Variants in NCK2 observed in about 807,000 individuals in gnomAD.
The protein encoded by NCK2 is NCK adaptor protein 2.
Under a neutral mutation model 33.9 loss-of-function variants are expected in NCK2, and 16 were observed. That is an observed-to-expected ratio of 0.47 (90% CI 0.32 to 0.72). NCK2 has a LOEUF of 0.72. NCK2 is among the 30% of genes least tolerant of loss of function. The pLI is 0.03. For missense variants in NCK2, 418 were observed against 537.3 expected (o/e 0.78, Z 2.19); for synonymous variants, 273 against 239.9 (o/e 1.14, Z -1.27).
intron 2 of NCK2, among the ~76,000 whole-genome samples, chr2:105,852,522 G>A (rs1677107939): frequency 6.6e-6 from 1 of 152,158 alleles, no homozygotes; most frequent in Admixed American, 6.5e-5. Context: ...CGGTGTGCGT[G>A]AAAATAGATC....
At chr2:105,881,267 G>T in intron 3 of NCK2, 61 bp from the exon 4 acceptor site, 1 of 1,526,590 alleles carries the variant, frequency 6.6e-7, no homozygotes, top group Admixed American at 1.9e-5. Flanking sequence ...ATCCCGGTAG[G>T]CTAGGGAGTG....
intron 3 of NCK2, among the ~76,000 whole-genome samples, chr2:105,861,903 TCCTC>T (rs148839655): frequency 0.43 from 46,786 of 109,558 alleles, 10,110 homozygotes; most frequent in African/African-American, 0.58. Context: ...TGGAATTCTT[TCCTC>T]CCTCCCTCCC....
chr2:105,871,197 CTT>C (rs1210744899), intron 3 of NCK2, among the ~76,000 whole-genome samples: 1 of 151,900 alleles, frequency 6.6e-6, no homozygotes, highest in Non-Finnish European at 1.5e-5. Flanking sequence ...ACGATGGTGA[CTT>C]TGTTTGTCCT....
At chr2:105,756,834 C>G (rs1433352122) in intron 1 of NCK2, among the ~76,000 whole-genome samples, 1 of 152,126 alleles carries the variant, frequency 6.6e-6, no homozygotes, top group South Asian at 2.1e-4. Context: ...GACGGAGTTT[C>G]GCTCTTGTCA....
intron 1 of NCK2, among the ~76,000 whole-genome samples, chr2:105,761,394 C>A (rs1177318553): frequency 6.6e-6 from 1 of 152,126 alleles, no homozygotes. Context: ...TAGCCTGTTT[C>A]TCTTTCTGGT....
intron 1 of NCK2, among the ~76,000 whole-genome samples, chr2:105,747,047 C>G (rs947131263): frequency 6.6e-6 from 1 of 152,152 alleles, no homozygotes; most frequent in Admixed American, 6.5e-5. Flanking sequence ...CCCCTCTGTC[C>G]ACTTGTGGAG....
chr2:105,805,613 C>G (rs1356437432), intron 1 of NCK2, among the ~76,000 whole-genome samples: 4 of 152,102 alleles, frequency 2.6e-5, no homozygotes, highest in Non-Finnish European at 5.9e-5. Flanking sequence ...CCCTACCTTC[C>G]AGCCCCTGTT....
At chr2:105,779,262 G>A (rs1690408640) in intron 1 of NCK2, among the ~76,000 whole-genome samples, 1 of 144,876 alleles carries the variant, frequency 6.9e-6, no homozygotes, top group Non-Finnish European at 1.5e-5. Context: ...AGCCGAGATT[G>A]TGCCACTGCA....
intron 2 of NCK2, among the ~76,000 whole-genome samples, chr2:105,841,679 G>A (rs531192943): frequency 2.6e-5 from 4 of 151,730 alleles, no homozygotes; most frequent in Non-Finnish European, 4.4e-5. Context: ...TGGTCTTTCT[G>A]GTGACCAACC....
chr2:105,775,976 G>A (rs1364476434), intron 1 of NCK2, among the ~76,000 whole-genome samples: 3 of 152,236 alleles, frequency 2.0e-5, no homozygotes, highest in Non-Finnish European at 2.9e-5. Flanking sequence ...ATTGTTGACC[G>A]TCAGTTGCTT....
Position 105,881,611 on chromosome 2 carries a change from C to T in NCK2, c.510C>T (p.Asp170=), listed in dbSNP as rs377155191. The T allele has an allele frequency of 1.2e-6, 2 of 1,613,542 alleles. No homozygotes were observed. Among genetic ancestry groups the T allele is most frequent in the Non-Finnish European group, 8.5e-7 (1 of 1,179,940 alleles). The change falls in exon 4 of 5, where the codon GAC becomes GAT. Residue 170 remains aspartate, a synonymous_variant. Transcript: ENST00000233154. ...CCAACTACGTCTTGGAGGAGGTGGACGAGGCGGCTGCGGAGTCCCCAAGCT... is the reference window on the plus strand; with the variant it reads ...CCAACTACGTCTTGGAGGAGGTGGATGAGGCGGCTGCGGAGTCCCCAAGCT... ...FPSNYVLEEV[D]EAAAESPSFL...
intron 4 of NCK2, 52 bp downstream of exon 4, chr2:105,882,101 G>T (rs1009083313): frequency 1.4e-6 from 2 of 1,459,624 alleles, no homozygotes; most frequent in Non-Finnish European, 1.8e-6. Context: ...TGCGCCTTGC[G>T]CGGTGGGTCT....
intron 2 of NCK2, among the ~76,000 whole-genome samples, chr2:105,850,267 C>G (rs1201983331): frequency 6.6e-6 from 1 of 152,162 alleles, no homozygotes; most frequent in Admixed American, 6.5e-5. Context: ...TGGCTACTAT[C>G]AGGAGTGTGT....
intron 1 of NCK2, among the ~76,000 whole-genome samples, chr2:105,785,176 C>G (rs1690633688): frequency 6.6e-6 from 1 of 152,152 alleles, no homozygotes; most frequent in African/African-American, 2.4e-5. Flanking sequence ...GACAGGATTT[C>G]ACTGTGTTAG....
chr2:105,771,053 G>T (rs1690120676), intron 1 of NCK2, among the ~76,000 whole-genome samples: 1 of 151,988 alleles, frequency 6.6e-6, no homozygotes, highest in Non-Finnish European at 1.5e-5. Flanking sequence ...CTCCCGAGTA[G>T]CTGGGACTAC....
At chr2:105,812,155 T>C (rs1331440494) in intron 1 of NCK2, among the ~76,000 whole-genome samples, 1 of 152,184 alleles carries the variant, frequency 6.6e-6, no homozygotes, top group African/African-American at 2.4e-5. Context: ...TCAGGACAGC[T>C]TTATCTTGAG....
chr2:105,870,004 G>A (rs1677933196), intron 3 of NCK2, among the ~76,000 whole-genome samples: 1 of 152,126 alleles, frequency 6.6e-6, no homozygotes, highest in South Asian at 2.1e-4. Context: ...GGAAAGTCAG[G>A]TTCAGAGCCC....
intron 1 of NCK2, among the ~76,000 whole-genome samples, chr2:105,807,807 T>TCCCTCTATCCCTCCCTCCCTCCCTC (rs1675129784): frequency 1.0e-4 from 1 of 9,704 alleles, no homozygotes; most frequent in Admixed American, 9.8e-4. Context: ...CTCCCTCCCT[T>TCCCTCTATCCCTCCCTCCCTCCCTC]CTATCTCTCC....
intron 2 of NCK2, chr2:105,847,397 G>A (rs1354588853): frequency 6.6e-6 from 1 of 152,152 alleles, no homozygotes; most frequent in African/African-American, 2.4e-5. Flanking sequence ...AAGAAATGAT[G>A]TGGGATATTG....
Sources: gnomAD v4.1 joint callset for allele counts (sites outside exome capture counted in the v4.1 genomes callset) on GRCh38, gnomAD v4.1.1 for gene constraint, MANE v1.5 for transcripts, NCBI Gene and HGNC (gene_info 2026-07-23, HGNC 2026-07-21) for gene names.